The following CHSY3 variants were observed in gnomAD, a reference collection of about 807,000 sequenced individuals.
CHSY3 encodes the protein N-acetylgalactosaminyl-proteoglycan 3-beta-glucuronosyltransferase 3.
A neutral mutation model predicts 67.2 loss-of-function variants in CHSY3; 35 were observed. The ratio of observed to expected loss-of-function variants is 0.52; its 90% CI spans 0.40 to 0.69. The LOEUF is 0.69. CHSY3 is among the 30% of genes least tolerant of loss of function. The probability of loss-of-function intolerance (pLI) is 0.00; values close to 1 mark genes in which losing one functional copy is unlikely to be tolerated. For missense variants in CHSY3, 1,069 were observed against 1,138.5 expected (o/e 0.94, Z 0.88); for synonymous variants, 474 against 434.7 (o/e 1.09, Z -1.12).
chr5:130,011,227 A>G (rs1285444381), intron 2 of CHSY3, among the ~76,000 whole-genome samples: 3 of 152,218 alleles, frequency 2.0e-5, no homozygotes, highest in Non-Finnish European at 4.4e-5. Context: ...AGTGCTCAAC[A>G]AATACAAGCT....
chr5:130,030,839 C>G (rs1764684042), intron 2 of CHSY3, among the ~76,000 whole-genome samples: 1 of 151,982 alleles, frequency 6.6e-6, no homozygotes, highest in Admixed American at 6.6e-5. Context: ...TCTGAACTTT[C>G]CATTGAAGAT....
At chr5:129,953,938 A>C (rs528005603) in intron 2 of CHSY3, among the ~76,000 whole-genome samples, 2 of 152,006 alleles carry the variant, frequency 1.3e-5, no homozygotes, top group African/African-American at 4.8e-5. Flanking sequence ...TTGCCTGTTC[A>C]CTCTGATGAT....
chr5:130,063,981 C>T (rs1765798840), intron 2 of CHSY3, among the ~76,000 whole-genome samples: 1 of 152,038 alleles, frequency 6.6e-6, no homozygotes, highest in African/African-American at 2.4e-5. Flanking sequence ...GAAGATTATA[C>T]TGATGAGGGT....
At chr5:129,984,565 G>A (rs1215779091) in intron 2 of CHSY3, among the ~76,000 whole-genome samples, 4 of 152,102 alleles carry the variant, frequency 2.6e-5, no homozygotes, top group African/African-American at 4.8e-5. Flanking sequence ...AGGGTCAAAT[G>A]TTAATTCTAT....
chr5:129,999,649 T>C (rs964337159), intron 2 of CHSY3, among the ~76,000 whole-genome samples: 1 of 152,164 alleles, frequency 6.6e-6, no homozygotes, highest in Non-Finnish European at 1.5e-5. Flanking sequence ...TTCAGATTGC[T>C]CCAGCTACCC....
chr5:130,077,513 C>A (rs1289686278), intron 2 of CHSY3, among the ~76,000 whole-genome samples: 2 of 152,060 alleles, frequency 1.3e-5, no homozygotes, highest in Non-Finnish European at 2.9e-5. Context: ...CCGCTAATAT[C>A]CATATATGTT....
chr5:129,927,117 T>C (rs1157808502), intron 2 of CHSY3, among the ~76,000 whole-genome samples: 1 of 152,070 alleles, frequency 6.6e-6, no homozygotes. Flanking sequence ...ATTCTGTTTT[T>C]TTCTTAACTA....
At chr5:129,994,519 A>T (rs555753359) in intron 2 of CHSY3, among the ~76,000 whole-genome samples, 1 of 152,198 alleles carries the variant, frequency 6.6e-6, no homozygotes, top group Admixed American at 6.6e-5. Flanking sequence ...ACTGAGGCTT[A>T]TGCATTTGTC....
intron 2 of CHSY3, among the ~76,000 whole-genome samples, chr5:129,960,070 C>T (rs1328334697): frequency 2.0e-5 from 3 of 152,036 alleles, no homozygotes; most frequent in Non-Finnish European, 4.4e-5. Flanking sequence ...TTTTCTGGGA[C>T]CCCACCAGTA....
Position 129,910,732 on chromosome 5 carries a change from TA to T in CHSY3, c.1086+2374del, listed in dbSNP as rs1476066790. ...TTCACAGATCCCATACTTCACTTTC[TA>T]ATTTGGATTTTATGTTAGTGGAAAT... On this transcript the variant is annotated intron_variant, in intron 2 of 2. Transcript: ENST00000305031. Among the ~76,000 whole-genome samples, 6 of 152,144 alleles carry T rather than the reference TA, an allele frequency of 3.9e-5. No homozygotes were observed. The South Asian group carries it at 1.2e-3, about 32-fold the overall frequency.
At chr5:130,087,257 TATC>T (rs1766675436) in intron 2 of CHSY3, among the ~76,000 whole-genome samples, 1 of 152,112 alleles carries the variant, frequency 6.6e-6, no homozygotes, top group South Asian at 2.1e-4. Context: ...CCACAGCCAA[TATC>T]ATACTGAATG....
At chr5:130,049,799 A>G (rs1304247012) in intron 2 of CHSY3, among the ~76,000 whole-genome samples, 11 of 151,556 alleles carry the variant, frequency 7.3e-5, no homozygotes, top group Non-Finnish European at 2.9e-5. Context: ...GAGATTGTCA[A>G]TAACCACGCC....
chr5:130,117,891 A>C (rs1471371060), intron 2 of CHSY3, among the ~76,000 whole-genome samples: 1 of 152,032 alleles, frequency 6.6e-6, no homozygotes, highest in African/African-American at 2.4e-5. Context: ...TTGAAATGTG[A>C]TTCTCAATGT....
At chr5:130,113,425 G>T (rs1476413141) in intron 2 of CHSY3, among the ~76,000 whole-genome samples, 2 of 152,108 alleles carry the variant, frequency 1.3e-5, no homozygotes, top group Admixed American at 6.6e-5. Flanking sequence ...ATTTATAAAT[G>T]TCACAATATG....
chr5:130,084,068 A>G (rs560826882), intron 2 of CHSY3, among the ~76,000 whole-genome samples: 18 of 152,100 alleles, frequency 1.2e-4, no homozygotes, highest in Non-Finnish European at 1.8e-4. Context: ...TAATTTAGCC[A>G]CAACTAAAGT....
chr5:130,182,183 G>T (rs1295556378), intron 2 of CHSY3, among the ~76,000 whole-genome samples: 4 of 151,878 alleles, frequency 2.6e-5, no homozygotes, highest in African/African-American at 4.8e-5. Context: ...TTATCTATCT[G>T]TTTTTTTGTG....
intron 2 of CHSY3, among the ~76,000 whole-genome samples, chr5:130,015,103 TGTTTTTCTCATGATAGTGA>T (rs1383499700): frequency 6.6e-6 from 1 of 152,140 alleles, no homozygotes; most frequent in Non-Finnish European, 1.5e-5. Flanking sequence ...ATTTCCCCCT[TGTTTTTCTCATGATAGTGA>T]GTTTTTCTCA....
chr5:129,983,974 A>C (rs932456709), intron 2 of CHSY3, among the ~76,000 whole-genome samples: 1 of 152,146 alleles, frequency 6.6e-6, no homozygotes, highest in Non-Finnish European at 1.5e-5. Flanking sequence ...AATTGTAGGA[A>C]ACAAGGAGTG....
intron 2 of CHSY3, among the ~76,000 whole-genome samples, chr5:130,050,837 C>T (rs1371361493): frequency 6.6e-6 from 1 of 152,120 alleles, no homozygotes; most frequent in African/African-American, 2.4e-5. Flanking sequence ...TTACCACATT[C>T]AGCTACACAT....
Sources: gnomAD v4.1 joint callset for allele counts (sites outside exome capture counted in the v4.1 genomes callset) on GRCh38, gnomAD v4.1.1 for gene constraint, MANE v1.5 for transcripts, NCBI Gene and HGNC (gene_info 2026-07-23, HGNC 2026-07-21) for gene names.